The following TMEM232 variants were observed in gnomAD, a reference collection of about 807,000 sequenced individuals.
TMEM232 encodes the protein transmembrane protein 232.
TMEM232 carries 80 observed loss-of-function variants against 78.8 expected under a neutral mutation model. The observed-to-expected ratio is 1.01, with a 90% CI of 0.85 to 1.22. The LOEUF is 1.22. TMEM232 is among the 50% of genes most tolerant of loss of function. TMEM232 has a pLI of 0.00. For missense variants in TMEM232, 881 were observed against 742.2 expected, an observed-to-expected ratio of 1.19 and a Z score of -2.17; for synonymous variants, 297 against 254.3, an observed-to-expected ratio of 1.17 and a Z score of -1.60.
intron 11 of TMEM232, among the ~76,000 whole-genome samples, chr5:110,537,291 A>ATTTT (rs1377106617): frequency 5.1e-5 from 7 of 136,370 alleles, no homozygotes; most frequent in African/African-American, 2.2e-4. Flanking sequence ...ATATATATAT[A>ATTTT]TTTTTTTTTT....
At chr5:110,587,877 C>T (rs7701611) in intron 10 of TMEM232, among the ~76,000 whole-genome samples, 58,668 of 150,874 alleles carry the variant, frequency 0.39, 15,895 homozygotes, top group African/African-American at 0.77. Context: ...ATCAGTGATA[C>T]TATACTTTTA....
At chr5:110,481,332 C>G (rs1231692528) in intron 12 of TMEM232, among the ~76,000 whole-genome samples, 1 of 152,016 alleles carries the variant, frequency 6.6e-6, no homozygotes, top group Non-Finnish European at 1.5e-5. Flanking sequence ...CATAAGTCAG[C>G]AAATCAAATA....
At chr5:110,662,749 A>G (rs547575113) in intron 2 of TMEM232, among the ~76,000 whole-genome samples, 56 of 152,264 alleles carry the variant, frequency 3.7e-4, no homozygotes, top group African/African-American at 1.3e-3. Flanking sequence ...GATTTTTTCC[A>G]TATGTCGTAT....
intron 12 of TMEM232, among the ~76,000 whole-genome samples, chr5:110,482,980 G>C (rs899785782): frequency 6.6e-6 from 1 of 150,412 alleles, no homozygotes; most frequent in Non-Finnish European, 1.5e-5. Flanking sequence ...TCAACATGAA[G>C]AAATAAAGTA....
At chr5:110,672,126 C>T (rs1384997820) in intron 1 of TMEM232, among the ~76,000 whole-genome samples, 1 of 152,078 alleles carries the variant, frequency 6.6e-6, no homozygotes, top group Non-Finnish European at 1.5e-5. Flanking sequence ...AAGCTTTTGG[C>T]TATTTCTTGA....
intron 12 of TMEM232, among the ~76,000 whole-genome samples, chr5:110,452,900 A>C (rs1580739052): frequency 6.6e-6 from 1 of 152,228 alleles, no homozygotes; most frequent in East Asian, 1.9e-4. Context: ...ATGTAAAAGT[A>C]CTGTGCATTA....
chr5:110,669,224 T>C (rs563389496), intron 1 of TMEM232, among the ~76,000 whole-genome samples: 2 of 151,902 alleles, frequency 1.3e-5, no homozygotes, highest in South Asian at 2.1e-4. Context: ...AAAATTGATA[T>C]GCCACTAGCA....
At chr5:110,731,076 T>A (rs575281739), upstream of TMEM232, among the ~76,000 whole-genome samples, 253 of 152,104 alleles carry the variant, frequency 1.7e-3, no homozygotes, top group African/African-American at 5.7e-3. Flanking sequence ...ATGGAAGAAA[T>A]TGGCCAAAAC....
intron 2 of TMEM232, among the ~76,000 whole-genome samples, chr5:110,404,145 T>C (rs2112572759): frequency 6.6e-6 from 1 of 152,216 alleles, no homozygotes; most frequent in South Asian, 2.1e-4. Context: ...CAATTTGATG[T>C]ATAAATTTAA....
In TMEM232 at chr5:110,642,246, T is replaced by C. The variant is rs1438311058; in HGVS notation, c.237+14A>G. Reference sequence around the variant, plus strand: ...GAAGTTAACATGCTCAACAATCAAATGATATGCCATTACCTTACATCTGAG... The same window carrying C: ...GAAGTTAACATGCTCAACAATCAAACGATATGCCATTACCTTACATCTGAG... On this transcript the variant is annotated intron_variant, in intron 3 of 13. Coordinates refer to ENST00000455884, the MANE Select transcript of TMEM232 (RefSeq NM_001039763.4). 1 of 1,469,400 alleles carries C rather than the reference T, an allele frequency of 6.8e-7. No homozygotes were observed. Among genetic ancestry groups the C allele is most frequent in the Admixed American group, 2.2e-5 (1 of 44,456 alleles). 91.0% of individuals were successfully genotyped at this position (1,469,400 alleles called of 1,614,324 possible). A position where few individuals can be genotyped will look rare whatever the true frequency, so the allele number is the denominator to read the frequency against.
At chr5:110,717,922 C>G (rs1369920586) in intron 1 of TMEM232, among the ~76,000 whole-genome samples, 1 of 152,098 alleles carries the variant, frequency 6.6e-6, no homozygotes, top group Non-Finnish European at 1.5e-5. Context: ...ATTACCCAGT[C>G]TCAGGTAGTA....
intron 11 of TMEM232, among the ~76,000 whole-genome samples, chr5:110,542,807 C>T (rs899337042): frequency 2.0e-5 from 3 of 152,228 alleles, no homozygotes; most frequent in Admixed American, 6.5e-5. Context: ...CAACCCCCCT[C>T]GCTTTCTGCA....
At chr5:110,415,653 G>A (rs1756175347), downstream of TMEM232, among the ~76,000 whole-genome samples, 1 of 151,968 alleles carries the variant, frequency 6.6e-6, no homozygotes, top group African/African-American at 2.4e-5. Context: ...TCTAGTCATT[G>A]CTTTTTATTG....
intron 12 of TMEM232, among the ~76,000 whole-genome samples, chr5:110,488,114 C>T (rs1161408781): frequency 6.6e-6 from 1 of 152,032 alleles, no homozygotes; most frequent in East Asian, 1.9e-4. Flanking sequence ...TTATCCATAT[C>T]TTCTAGTTTT....
chr5:110,546,288 A>G (rs921575951), intron 11 of TMEM232, among the ~76,000 whole-genome samples: 2 of 152,104 alleles, frequency 1.3e-5, no homozygotes, highest in African/African-American at 4.8e-5. Context: ...AGGAATGGAT[A>G]ATTTAGTTAG....
intron 11 of TMEM232, among the ~76,000 whole-genome samples, chr5:110,540,461 A>G (rs1434994689): frequency 1.3e-5 from 2 of 152,112 alleles, no homozygotes; most frequent in Non-Finnish European, 2.9e-5. Context: ...AACCCTTGAA[A>G]CCTGTAGCAC....
intron 2 of TMEM232, among the ~76,000 whole-genome samples, chr5:110,652,756 A>G (rs559733343): frequency 7.8e-6 from 1 of 127,430 alleles, no homozygotes. Flanking sequence ...AAGCAAAAGG[A>G]AACTTCTAAA....
chr5:110,717,866 C>T (rs1797180315), intron 1 of TMEM232, among the ~76,000 whole-genome samples: 1 of 152,066 alleles, frequency 6.6e-6, no homozygotes, highest in African/African-American at 2.4e-5. Flanking sequence ...TGAGGCCTCC[C>T]CAGCTATGTG....
chr5:110,561,041 AG>A (rs1775678525), intron 11 of TMEM232, among the ~76,000 whole-genome samples: 1 of 152,206 alleles, frequency 6.6e-6, no homozygotes, highest in South Asian at 2.1e-4. Context: ...GTGGTAAGGA[AG>A]TATAATGAAG....
Sources: allele counts gnomAD v4.1 joint callset (sites outside exome capture counted in the v4.1 genomes callset), GRCh38; gene constraint gnomAD v4.1.1; transcripts MANE v1.5; gene names NCBI Gene and HGNC (gene_info 2026-07-23, HGNC 2026-07-21).